The following DSN1 variants were observed in gnomAD, a reference collection of about 807,000 sequenced individuals.
The protein encoded by DSN1 is kinetochore-associated protein DSN1 homolog.
A neutral mutation model predicts 45.7 loss-of-function variants in DSN1; 31 were observed. That is an observed-to-expected ratio of 0.68 (90% confidence interval 0.51 to 0.92). The LOEUF is 0.92. DSN1 is among the 40% of genes least tolerant of loss of function. The pLI is 0.00. For missense variants in DSN1, 394 were observed against 414.2 expected (o/e 0.95, Z 0.42); for synonymous variants, 134 against 142.3 (o/e 0.94, Z 0.41).
intron 5 of DSN1, among the ~76,000 whole-genome samples, chr20:36,763,722 A>C (rs1159726043): frequency 1.3e-5 from 2 of 151,706 alleles, no homozygotes; most frequent in African/African-American, 4.8e-5. Flanking sequence ...CCCCATCTCT[A>C]CTAAAAATAC....
At chr20:36,772,189 C>T (rs1374469437) in intron 1 of DSN1, among the ~76,000 whole-genome samples, 1 of 152,040 alleles carries the variant, frequency 6.6e-6, no homozygotes, top group African/African-American at 2.4e-5. Context: ...CTCACTGTTA[C>T]TAGTTTAGTT....
At chr20:36,766,194 CAAAAAAAA>C (rs368772931) in intron 5 of DSN1, among the ~76,000 whole-genome samples, 32 of 48,040 alleles carry the variant, frequency 6.7e-4, no homozygotes, top group African/African-American at 2.1e-3. Context: ...GACTCCATCT[CAAAAAAAA>C]AAAAAAAAAA....
At chr20:36,771,356 A>G (rs1463058380) in intron 2 of DSN1, 69 bp downstream of exon 2, 2 of 1,542,578 alleles carry the variant, frequency 1.3e-6, no homozygotes, top group East Asian at 2.2e-5. Context: ...AGGAGCCAGG[A>G]AAGATTTGGG....
chr20:36,767,337 A>C, intron 4 of DSN1, among the ~76,000 whole-genome samples: 1 of 152,068 alleles, frequency 6.6e-6, no homozygotes, highest in East Asian at 1.9e-4. Context: ...CAAAGAAAAA[A>C]CAAAAGACTT....
rs1987771945 is a variant in DSN1, at chr20:36,773,724, C to A, written c.-78G>T. The A allele has an allele frequency of 1.0e-6, 1 of 985,454 alleles. No homozygotes were observed. Among genetic ancestry groups the A allele is most frequent in the Non-Finnish European group, 1.2e-6 (1 of 830,016 alleles). The allele number at this position is 985,454 out of a possible 1,614,324, so 61.0% of individuals were successfully genotyped here. A position where few individuals can be genotyped will look rare whatever the true frequency, so the allele number is the denominator to read the frequency against. On this transcript the variant is annotated 5_prime_UTR_variant, in exon 1 of 11. Transcript: ENST00000373750. ...AGGTCACTCCTGGACGCCTTGCGCA[C>A]CCGCAGCCGATACTCCCTGATCAGG...
intron 5 of DSN1, among the ~76,000 whole-genome samples, chr20:36,763,910 AAG>A (rs1555812851): frequency 0.02 from 2,872 of 146,470 alleles, 99 homozygotes; most frequent in African/African-American, 0.047. Context: ...AAAAAAAAAA[AAG>A]AAAGACAGAA....
At chr20:36,768,529 C>T (rs773281884) in intron 3 of DSN1, among the ~76,000 whole-genome samples, 1 of 152,220 alleles carries the variant, frequency 6.6e-6, no homozygotes, top group Non-Finnish European at 1.5e-5. Context: ...GCATGCGCCA[C>T]CACACCCAGG....
In DSN1 at chr20:36,762,627, A is replaced by C. The variant is rs1987063246; in HGVS notation, c.503-79T>G. The C allele has an allele frequency of 2.3e-6, 3 of 1,313,834 alleles. No individual in the cohort carries two copies. In the East Asian group the frequency reaches 7.6e-5, roughly 33 times the overall value. The allele number at this position is 1,313,834 out of a possible 1,614,324, so 81.4% of individuals were successfully genotyped here. On this transcript the variant is annotated intron_variant, in intron 5 of 10. Coordinates refer to ENST00000373750, the MANE Select transcript of DSN1 (RefSeq NM_001145315.2). ...GTGAGATGCTGACAAAGGTATATTA[A>C]GGTAGTCTCAGCTCTAGGTACTGTT...
intron 5 of DSN1, among the ~76,000 whole-genome samples, chr20:36,766,014 G>A (rs951553351): frequency 1.3e-5 from 2 of 150,962 alleles, no homozygotes; most frequent in South Asian, 2.1e-4. Context: ...CCAACATGGC[G>A]AAACCCCGTC....
intron 3 of DSN1, among the ~76,000 whole-genome samples, chr20:36,769,421 T>G (rs1987517267): frequency 6.6e-6 from 1 of 152,228 alleles, no homozygotes; most frequent in Non-Finnish European, 1.5e-5. Context: ...GATGCTTTTC[T>G]GTTTAAGTCT....
At chr20:36,769,409 C>G (rs1454159355) in intron 3 of DSN1, among the ~76,000 whole-genome samples, 1 of 152,216 alleles carries the variant, frequency 6.6e-6, no homozygotes, top group African/African-American at 2.4e-5. Context: ...TCTTATTACA[C>G]TGATGCTTTT....
intron 10 of DSN1, 119 bp from the exon 11 acceptor site, chr20:36,753,016 G>A (rs1464184675): frequency 5.1e-6 from 4 of 781,528 alleles, no homozygotes; most frequent in African/African-American, 3.4e-5. Flanking sequence ...AAATAAGAGA[G>A]TCTCTGGCCT....
intron 9 of DSN1, among the ~76,000 whole-genome samples, 162 bp from the exon 10 acceptor site, chr20:36,755,012 C>A (rs541969542): frequency 2.6e-4 from 39 of 152,330 alleles, no homozygotes; most frequent in Non-Finnish European, 4.9e-4. Context: ...AGTCACACCA[C>A]ATTCTTCTCC....
At position 36,752,733 on chromosome 20, in the gene DSN1, G is replaced by A; in HGVS notation, c.*55C>T. The A allele has an allele frequency of 1.4e-6, 2 of 1,424,786 alleles. No individual in the cohort carries two copies. The highest frequency in any genetic ancestry group is 3.4e-5 in the Admixed American group (2 of 59,108). The allele number at this position is 1,424,786 out of a possible 1,614,324, so 88.3% of individuals were successfully genotyped here. A position where few individuals can be genotyped will look rare whatever the true frequency, so the allele number is the denominator to read the frequency against. On this transcript the variant is annotated 3_prime_UTR_variant, in exon 11 of 11. Coordinates refer to ENST00000373750, the MANE Select transcript of DSN1 (RefSeq NM_001145315.2). ...AATCACGCAGTCACCACGTGCTGGG[G>A]CACTCTTCCCATTCCTCTCCTCTTG...
At chr20:36,770,737 A>C (rs1368838774) in intron 3 of DSN1, 136 bp downstream of exon 3, 1 of 945,222 alleles carries the variant, frequency 1.1e-6, no homozygotes, top group African/African-American at 1.6e-5. Context: ...TAGGTGTTTG[A>C]CATCAGTACT....
At position 36,771,476 on chromosome 20, in the gene DSN1, G is replaced by C. The variant is rs760559556; in HGVS notation, c.-15-3C>G. 80 of 1,612,988 alleles carry C rather than the reference G, an allele frequency of 5.0e-5. No homozygotes were observed. Among genetic ancestry groups the C allele is most frequent in the Non-Finnish European group, 4.8e-5 (57 of 1,179,306 alleles). ...GAAGTCATCCTAGGTGGTAAACTCT[G>C]AAAATAGGAAAATGGAAGTGATCTG... On this transcript the variant is annotated splice_polypyrimidine_tract_variant and splice_region_variant and intron_variant, in intron 1 of 10. Coordinates refer to ENST00000373750, the MANE Select transcript of DSN1 (RefSeq NM_001145315.2).
Position 36,752,701 on chromosome 20 carries a change from G to A in DSN1, c.*87C>T, listed in dbSNP as rs777337216. ...CCTGCCAGTTATCTTCAAAGGCAAC[G>A]AGCAGAAATCACGCAGTCACCACGT... is the stretch of plus-strand genomic sequence containing the variant. On this transcript the variant is annotated 3_prime_UTR_variant, in exon 11 of 11. Transcript: ENST00000373750. 12 of 1,068,332 alleles carry A rather than the reference G, an allele frequency of 1.1e-5. No individual in the cohort carries two copies. The highest frequency in any genetic ancestry group is 4.0e-5 in the South Asian group (3 of 75,396). The allele number at this position is 1,068,332 out of a possible 1,614,324, so 66.2% of individuals were successfully genotyped here.
chr20:36,766,942 C>A, intron 4 of DSN1, 101 bp from the exon 5 acceptor site: 1 of 697,494 alleles, frequency 1.4e-6, no homozygotes, highest in Non-Finnish European at 2.3e-6. Flanking sequence ...AAACTAAATA[C>A]TAAATATGAT....
At chr20:36,769,940 CAGAG>C (rs147257254) in intron 3 of DSN1, among the ~76,000 whole-genome samples, 13 of 85,018 alleles carry the variant, frequency 1.5e-4, no homozygotes, top group African/African-American at 4.6e-4. Context: ...CACACACACA[CAGAG>C]AGAGAGAGAC....
Sources: allele counts gnomAD v4.1 joint callset (sites outside exome capture counted in the v4.1 genomes callset), GRCh38; gene constraint gnomAD v4.1.1; transcripts MANE v1.5; gene names NCBI Gene and HGNC (gene_info 2026-07-23, HGNC 2026-07-21).